The following RBKS variants were observed in gnomAD, a reference collection of about 807,000 sequenced individuals.
The protein encoded by RBKS is ribokinase.
In RBKS, 33 loss-of-function variants were observed where a neutral mutation model predicts 33.9. That is an observed-to-expected ratio of 0.97 (90% CI 0.74 to 1.30). The LOEUF (loss-of-function observed/expected upper bound fraction) is 1.30, where lower values mean the gene tolerates loss of function less well. Among genes scored for constraint, RBKS ranks in the 50% most tolerant of loss-of-function variants. The pLI is 0.00. For synonymous variants in RBKS, 125 were observed against 143.0 expected (o/e 0.87, Z 0.90); for missense variants, 361 against 392.6 (o/e 0.92, Z 0.68).
At chr2:27,862,609 A>T (rs1172297003) in intron 1 of RBKS, among the ~76,000 whole-genome samples, 1 of 152,124 alleles carries the variant, frequency 6.6e-6, no homozygotes, top group African/African-American at 2.4e-5. Context: ...AGGACTGAGC[A>T]GCCAGTGGTC....
rs750338663 is a variant in RBKS at position 27,813,054 on chromosome 2, A to G, written c.795+14513T>C. Among the ~76,000 whole-genome samples, 236 of 151,618 alleles carry G rather than the reference A, an allele frequency of 1.6e-3. 1 individual carries two copies. The highest frequency in any genetic ancestry group is 3.4e-3 in the Middle Eastern group (1 of 294). ...AAGAAGCCATTAAAAAAAAAAAAAG[A>G]AATTTATACTACCTGTGTGGCCAGA... On this transcript the variant is annotated intron_variant, in intron 7 of 7. Coordinates refer to ENST00000302188, the MANE Select transcript of RBKS (RefSeq NM_022128.3).
At chr2:27,856,908 A>G (rs4233720) in intron 2 of RBKS, among the ~76,000 whole-genome samples, 39,383 of 152,136 alleles carry the variant, frequency 0.26, 6,122 homozygotes, top group East Asian at 0.63. Flanking sequence ...TCACAGACCC[A>G]TAATTCCTGG....
Position 27,841,729 on chromosome 2 carries a change from A to AACACACACACACACACACACACACAC in RBKS, c.514+1312_514+1337dup, listed in dbSNP as rs35205983. ...CACTTTGGGAGAAATCACTTATATA[A>AACACACACACACACACACACACACAC]ACACACACACACACACACACACACA... On this transcript the variant is annotated intron_variant, in intron 5 of 7. Coordinates refer to ENST00000302188, the MANE Select transcript of RBKS (RefSeq NM_022128.3). Among the ~76,000 whole-genome samples, 10 of 142,272 alleles carry AACACACACACACACACACACACACAC rather than the reference A, an allele frequency of 7.0e-5. No homozygotes were observed. In the East Asian group the frequency reaches 1.5e-3, roughly 21 times the overall value. 93.3% of individuals were successfully genotyped at this position (142,272 alleles called of 152,430 possible).
At chr2:27,814,802 T>C (rs1488919416) in intron 7 of RBKS, among the ~76,000 whole-genome samples, 1 of 152,198 alleles carries the variant, frequency 6.6e-6, no homozygotes, top group Admixed American at 6.5e-5. Context: ...AATCCATAGC[T>C]TTTTCAGAGG....
intron 5 of RBKS, 101 bp from the exon 6 acceptor site, chr2:27,832,878 T>C (rs1678449256): frequency 1.3e-6 from 1 of 774,820 alleles, no homozygotes; most frequent in Non-Finnish European, 2.3e-6. Context: ...TTCGTTTTTG[T>C]CTTCATCTGG....
At chr2:27,827,504 C>G in intron 7 of RBKS, 63 bp downstream of exon 7, 1 of 1,406,496 alleles carries the variant, frequency 7.1e-7, no homozygotes, top group South Asian at 1.5e-5. Flanking sequence ...GGTACAGCAT[C>G]TAATTAGTTA....
At chr2:27,879,608 G>T (rs528238808) in intron 1 of RBKS, among the ~76,000 whole-genome samples, 2 of 151,984 alleles carry the variant, frequency 1.3e-5, no homozygotes, top group Non-Finnish European at 2.9e-5. Context: ...AGAGAACCAC[G>T]AGCCAACACA....
intron 1 of RBKS, among the ~76,000 whole-genome samples, chr2:27,876,663 G>A (rs906177133): frequency 2.6e-5 from 4 of 152,140 alleles, no homozygotes; most frequent in African/African-American, 9.7e-5. Context: ...GCTGAGGGGA[G>A]GAGGGGATAG....
intron 7 of RBKS, among the ~76,000 whole-genome samples, chr2:27,801,992 ATTTTTTTTTTTT>A (rs1179237576): frequency 3.3e-4 from 14 of 42,688 alleles, no homozygotes; most frequent in African/African-American, 1.6e-3. Context: ...ATATATATAT[ATTTTTTTTTTTT>A]TTTTTTTTTT....
chr2:27,846,986 TA>T, intron 4 of RBKS, 55 bp downstream of exon 4: 1 of 1,257,830 alleles, frequency 8.0e-7, no homozygotes, highest in Non-Finnish European at 1.2e-6. Context: ...GCTTCTGATC[TA>T]ACTCTGGAAA....
At chr2:27,801,678 T>G (rs1457102919) in intron 7 of RBKS, among the ~76,000 whole-genome samples, 1 of 151,908 alleles carries the variant, frequency 6.6e-6, no homozygotes. Flanking sequence ...AGAAAAGAGA[T>G]TTAACTGGCT....
chr2:27,857,707 C>T (rs1663886887), intron 2 of RBKS, among the ~76,000 whole-genome samples: 1 of 152,234 alleles, frequency 6.6e-6, no homozygotes, highest in African/African-American at 2.4e-5. Flanking sequence ...TAATTTCCCT[C>T]ACTTCTCACA....
intron 7 of RBKS, among the ~76,000 whole-genome samples, chr2:27,812,166 A>G (rs1677997711): frequency 6.6e-6 from 1 of 152,238 alleles, no homozygotes; most frequent in Non-Finnish European, 1.5e-5. Context: ...AATCAAAACC[A>G]TAATGAGATA....
In RBKS at chr2:27,890,315, A is replaced by G. The variant is rs747633256; in HGVS notation, c.31T>C (p.Trp11Arg). The G allele has an allele frequency of 1.2e-6, 2 of 1,613,766 alleles. No individual in the cohort carries two copies. The highest frequency in any genetic ancestry group is 1.7e-6 in the Non-Finnish European group (2 of 1,179,978). The change falls in exon 1 of 8, where the codon TGG (tryptophan) becomes CGG (arginine). Residue 11 changes from tryptophan (W) to arginine (R), a missense_variant. By Grantham distance (101) the Trp-to-Arg change is moderately radical (BLOSUM62 -3). Transcript: ENST00000302188. This position sits in a 1 kb window ranked among gnomAD's most constrained non-coding sequence, Gnocchi z 4.8. ...ACCACCGCCGCCACCTCCTCTTGCC[A>G]CTGCCTCTGGGGTTCCCCAGACGCC... Reference protein sequence around the residue: MAASGEPQRQWQEEVAAVVVV... With the variant: MAASGEPQRQRQEEVAAVVVV...
rs564096883 is a variant in RBKS at position 27,886,188 on chromosome 2, G to A, written c.89+4069C>T. 1.6e-4 allele frequency among the ~76,000 whole-genome samples: 25 copies of A among 152,144 alleles called. No individual in the cohort carries two copies. The South Asian group carries it at 5.0e-3, about 30-fold the overall frequency. ...ATTTTTAAAAATTATTACTACATAC[G>A]ACTTACTATTCATAGCTGACTGAAA... On this transcript the variant is annotated intron_variant, in intron 1 of 7. Coordinates refer to ENST00000302188, the MANE Select transcript of RBKS (RefSeq NM_022128.3).
intron 1 of RBKS, among the ~76,000 whole-genome samples, chr2:27,863,101 C>T (rs1218508047): frequency 6.6e-6 from 1 of 152,072 alleles, no homozygotes; most frequent in East Asian, 1.9e-4. Flanking sequence ...TACATTGTTA[C>T]TACCATTTAA....
intron 1 of RBKS, chr2:27,861,503 G>C (rs541183321): frequency 2.1e-6 from 1 of 471,154 alleles, no homozygotes; most frequent in East Asian, 6.9e-5. Context: ...CTTCATTCAT[G>C]CACTAATTCA....
At chr2:27,816,056 A>C (rs1041226044) in intron 7 of RBKS, among the ~76,000 whole-genome samples, 1 of 152,186 alleles carries the variant, frequency 6.6e-6, no homozygotes, top group Non-Finnish European at 1.5e-5. Context: ...ATGTACACGC[A>C]TGTCCAGGTC....
Position 27,804,561 on chromosome 2 carries a change from A to G in RBKS, c.796-22773T>C, listed in dbSNP as rs553252354. 2.0e-5 allele frequency among the ~76,000 whole-genome samples: 3 copies of G among 152,258 alleles called. No individual in the cohort carries two copies. The South Asian group carries it at 6.2e-4, about 31-fold the overall frequency. ...ACCAATTATTAATATATTCACACCT[A>G]ATCTCGATTTTAGCTGGCACTTTGT... On this transcript the variant is annotated intron_variant, in intron 7 of 7. Coordinates refer to ENST00000302188, the MANE Select transcript of RBKS (RefSeq NM_022128.3).
Sources: allele counts gnomAD v4.1 joint callset (sites outside exome capture counted in the v4.1 genomes callset), GRCh38; gene constraint gnomAD v4.1.1; non-coding constraint Gnocchi (gnomAD v3.1); transcripts MANE v1.5; gene names NCBI Gene and HGNC (gene_info 2026-07-23, HGNC 2026-07-21).